MUC5B: variants seen among roughly 807,000 people sequenced by gnomAD.
The protein encoded by MUC5B is mucin-5B.
A neutral mutation model predicts 376.9 loss-of-function variants in MUC5B; 116 were observed. The observed-to-expected ratio is 0.31, with a 90% CI of 0.26 to 0.36. The LOEUF (loss-of-function observed/expected upper bound fraction) is 0.36, where lower values mean the gene tolerates loss of function less well. Ranked by LOEUF, MUC5B falls within the 10% of genes least tolerant of loss-of-function variation. The probability of loss-of-function intolerance (pLI) is 1.00; values close to 1 mark genes in which losing one functional copy is unlikely to be tolerated. For synonymous variants in MUC5B, 3,517 were observed against 3,390.9 expected, an observed-to-expected ratio of 1.04 and a Z score of -1.29; for missense variants, 7,165 against 7,769.9, an observed-to-expected ratio of 0.92 and a Z score of 2.93.
intron 44 of MUC5B, 137 bp downstream of exon 44, chr11:1,259,198 GT>G: frequency 5.9e-6 from 5 of 848,086 alleles, no homozygotes; most frequent in South Asian, 1.7e-5. Context: ...CCCCAGGTGA[GT>G]CCCTGAGGCA....
In MUC5B at chr11:1,223,669, G is replaced by C. The variant is rs1861810253; in HGVS notation, c.70+476G>C. Among the ~76,000 whole-genome samples, 3 of 152,216 alleles carry C rather than the reference G, an allele frequency of 2.0e-5. No homozygotes were observed. The South Asian group carries it at 6.2e-4, about 32-fold the overall frequency. On this transcript the variant is annotated intron_variant, in intron 1 of 48. Coordinates refer to ENST00000529681, the MANE Select transcript of MUC5B (RefSeq NM_002458.3). ...GGGCAGGTGAGGGTACCACCCTCAA[G>C]GGTTGCACAGCCAGCCGCAAGAGCC...
chr11:1,240,104 G>A lies in MUC5B; in HGVS notation c.3772+16G>A, dbSNP rs774044249. ...AGCCTTGAGGGTAAGGAAGGGCCGG[G>A]GGGTTAGTGGGCCGGTGAAGGCTGG... On this transcript the variant is annotated intron_variant, in intron 29 of 48. Transcript: ENST00000529681. The A allele has an allele frequency of 6.4e-7, 1 of 1,561,492 alleles. No homozygotes were observed.
Position 1,234,627 on chromosome 11 carries a change from C to T in MUC5B, c.2577C>T (p.His859=). ...CIAEEDCPCV[H]NEATYKPGET... ...CCGAGGAGGACTGCCCCTGTGTGCACAACGAGGCCACCTACAAGCCTGGAG... is the reference window on the plus strand; with the variant it reads ...CCGAGGAGGACTGCCCCTGTGTGCATAACGAGGCCACCTACAAGCCTGGAG... The change falls in exon 21 of 49, where the codon CAC becomes CAT. Residue 859 remains histidine (H), a synonymous_variant. Transcript: ENST00000529681. The surrounding 1 kb of genome is among the most constrained non-coding windows in gnomAD (Gnocchi z 6.3). 6.4e-7 allele frequency: 1 copy of T among 1,554,172 alleles called. No homozygotes were observed. Among genetic ancestry groups the T allele is most frequent in the Non-Finnish European group, 8.7e-7 (1 of 1,149,738 alleles).
At position 1,245,976 on chromosome 11, in the gene MUC5B, C is replaced by T. The variant is rs1272536912; in HGVS notation, c.9096C>T (p.Pro3032=). The stretch of plus-strand genomic sequence containing the variant: ...TGCTGACCAGCACGGCCACCACACC[C>T]ACAGCCACCAGTTCCAAAGCCACTT... ...PKVLTSTATT[P]TATSSKATSS... The change falls in exon 31 of 49, where the codon CCC becomes CCT. Residue 3032 remains proline, a synonymous_variant. Transcript: ENST00000529681. 8 of 1,612,970 alleles carry T rather than the reference C, an allele frequency of 5.0e-6. No individual in the cohort carries two copies. Among genetic ancestry groups the T allele is most frequent in the Non-Finnish European group, 6.8e-6 (8 of 1,179,730 alleles).
Position 1,250,845 on chromosome 11 carries a change from C to T in MUC5B, c.13965C>T (p.Thr4655=), listed in dbSNP as rs753826818. 4.3e-6 allele frequency: 7 copies of T among 1,610,024 alleles called. No individual in the cohort carries two copies. In the Admixed American group the frequency reaches 8.4e-5, roughly 19 times the overall value. ...TTHTARVLTT[T]TTTVATGSMA... ...ACACCGCCAGAGTGCTGACCACCAC[C>T]ACCACAACTGTGGCCACTGGTTCTA... The change falls in exon 31 of 49, where the codon ACC becomes ACT. Residue 4655 remains threonine (T), a synonymous_variant. Transcript: ENST00000529681.
chr11:1,260,160 C>G, intron 46 of MUC5B, 75 bp downstream of exon 46: 1 of 1,562,342 alleles, frequency 6.4e-7, no homozygotes, highest in Non-Finnish European at 8.7e-7. Flanking sequence ...CTGGGATGCC[C>G]TGCACAGCAG....
rs1315578246 is a variant in MUC5B, at chr11:1,226,336, G to T, written c.199+60G>T. 6.5e-6 allele frequency: 10 copies of T among 1,532,180 alleles called. No individual in the cohort carries two copies. In the South Asian group the frequency reaches 1.2e-4, roughly 18 times the overall value. 94.9% of individuals were successfully genotyped at this position (1,532,180 alleles called of 1,614,324 possible). A position where few individuals can be genotyped will look rare whatever the true frequency, so the allele number is the denominator to read the frequency against. Reference sequence around the variant, plus strand: ...GGTGTTTGCCAGTCCCAAAGGTGGGGGCCCAGATCTAGGGGTGCAGCTGCC... The same window carrying T: ...GGTGTTTGCCAGTCCCAAAGGTGGGTGCCCAGATCTAGGGGTGCAGCTGCC... On this transcript the variant is annotated intron_variant, in intron 3 of 48. Transcript: ENST00000529681.
intron 25 of MUC5B, among the ~76,000 whole-genome samples, chr11:1,237,753 C>T (rs556387370): frequency 6.6e-6 from 1 of 152,292 alleles, no homozygotes; most frequent in Admixed American, 6.5e-5. Context: ...CCTGTAATCC[C>T]AGCTACTCGG....
Position 1,232,169 on chromosome 11 carries a change from C to A in MUC5B, c.1843+9C>A. 6.3e-7 allele frequency: 1 copy of A among 1,583,114 alleles called. No homozygotes were observed. Among genetic ancestry groups the A allele is most frequent in the Non-Finnish European group, 8.6e-7 (1 of 1,163,064 alleles). ...CCTCAGTGTGGAGAATGGTACTCCT[C>A]GCCCCCACCCCCACAGTCACCCCAG... On this transcript the variant is annotated intron_variant, in intron 15 of 48. Coordinates refer to ENST00000529681, the MANE Select transcript of MUC5B (RefSeq NM_002458.3).
chr11:1,226,722 T>C lies in MUC5B; in HGVS notation c.307T>C (p.Phe103Leu). 6.2e-7 allele frequency: 1 copy of C among 1,612,810 alleles called. No homozygotes were observed. Among genetic ancestry groups the C allele is most frequent in the Non-Finnish European group, 8.5e-7 (1 of 1,179,824 alleles). ...FRFPGLCNYV[F>L]SEHCRAAYED... is the part of the protein sequence containing the mutation. Reference sequence around the variant, plus strand: ...CTTCCCTGGCCTTTGCAACTACGTGTTCTCTGAGCACTGCCGCGCCGCCTA... The same window carrying C: ...CTTCCCTGGCCTTTGCAACTACGTGCTCTCTGAGCACTGCCGCGCCGCCTA... Residue 103 changes from phenylalanine (F) to leucine (L), a missense_variant, in exon 4 of 49, where the codon TTC becomes CTC. By Grantham distance (22) the Phe-to-Leu change is conservative (BLOSUM62 0). Around this residue, in one of 31 missense-constraint regions of MUC5B, gnomAD observed 640 missense variants for 733.0 expected, o/e 0.87. Transcript: ENST00000529681.
chr11:1,239,630 G>A (rs1284304437), intron 27 of MUC5B, 64 bp downstream of exon 27: 6 of 1,518,352 alleles, frequency 4.0e-6, no homozygotes, highest in Middle Eastern at 1.8e-4. Context: ...ACGTGGGGGG[G>A]CGGGGATCCC....
rs1340568504 is a variant in MUC5B at position 1,232,170 on chromosome 11, G to A, written c.1843+10G>A. On this transcript the variant is annotated intron_variant, in intron 15 of 48. Coordinates refer to ENST00000529681, the MANE Select transcript of MUC5B (RefSeq NM_002458.3). ...CTCAGTGTGGAGAATGGTACTCCTC[G>A]CCCCCACCCCCACAGTCACCCCAGG... The A allele has an allele frequency of 1.5e-5, 24 of 1,582,808 alleles. No homozygotes were observed. The highest frequency in any genetic ancestry group is 1.1e-4 in the East Asian group (5 of 44,382).
Position 1,259,778 on chromosome 11 carries a change from C to A in MUC5B, c.16736C>A (p.Ala5579Asp), listed in dbSNP as rs773837420. ...CPQGFEYKRV[A>D]GQCCGECVQT... ...CAGGGCTTTGAGTACAAGAGAGTGG[C>A]CGGGCAGTGCTGTGGGGAGTGCGTC... The change falls in exon 45 of 49, where the codon GCC (alanine) becomes GAC (aspartate). Residue 5579 changes from alanine (A) to aspartate (D), a missense_variant. Physicochemically the swap from Ala to Asp is moderately radical, Grantham distance 126 (BLOSUM62 -2). Around this residue, in one of 31 missense-constraint regions of MUC5B, gnomAD observed 842 missense variants for 1,016.9 expected, o/e 0.83. Coordinates refer to ENST00000529681, the MANE Select transcript of MUC5B (RefSeq NM_002458.3). 1 of 1,612,286 alleles carries A rather than the reference C, an allele frequency of 6.2e-7. No individual in the cohort carries two copies. Among genetic ancestry groups the A allele is most frequent in the Non-Finnish European group, 8.5e-7 (1 of 1,179,686 alleles).
rs765941486 is a variant in MUC5B, at chr11:1,262,168, G to C, written c.*560G>C. 1.2e-5 allele frequency: 6 copies of C among 480,190 alleles called. No homozygotes were observed. The highest frequency in any genetic ancestry group is 9.2e-5 in the South Asian group (6 of 64,948). The allele number at this position is 480,190 out of a possible 1,614,324, so 29.7% of individuals were successfully genotyped here. On this transcript the variant is annotated 3_prime_UTR_variant, in exon 49 of 49. Coordinates refer to ENST00000529681, the MANE Select transcript of MUC5B (RefSeq NM_002458.3). ...GTTTTGCAAATAAACCCTGAGCATT[G>C]AGTACGTTTCCTGTCCTGACGTCTT...
At chr11:1,229,354 G>A (rs995714852) in intron 9 of MUC5B, 59 bp downstream of exon 9, 11 of 1,463,566 alleles carry the variant, frequency 7.5e-6, no homozygotes, top group African/African-American at 7.0e-5. Context: ...TCCCAACCCC[G>A]CCCCCAGCCT....
In MUC5B at chr11:1,243,385, C is replaced by T; in HGVS notation, c.6505C>T (p.Pro2169Ser). The T allele has an allele frequency of 6.5e-7, 1 of 1,536,428 alleles. No individual in the cohort carries two copies. The highest frequency in any genetic ancestry group is 8.8e-7 in the Non-Finnish European group (1 of 1,133,072). ...AGTGCTGACCACCACCGCCACCACA[C>T]CTGCAGCCACCAGCAACACAGTGAC... The part of the protein sequence containing the change: ...PPVLTTTATT[P>S]AATSNTVTPS... Residue 2169 changes from proline (P) to serine (S), a missense_variant, in exon 31 of 49, where the codon CCT (proline) becomes TCT (serine). Around this residue, in one of 31 missense-constraint regions of MUC5B, gnomAD observed 897 missense variants for 779.6 expected, o/e 1.15. Coordinates refer to ENST00000529681, the MANE Select transcript of MUC5B (RefSeq NM_002458.3).
Position 1,260,705 on chromosome 11 carries a change from G to A in MUC5B, c.17046G>A (p.Glu5682=). The change falls in exon 48 of 49, where the codon GAG becomes GAA. Residue 5682 remains glutamate, a synonymous_variant. Transcript: ENST00000529681. The stretch of plus-strand genomic sequence containing the variant: ...CCGAGGTCAACATCACCTTCTGCGA[G>A]GGCTCCTGCCCCGGAGCGTCCAAGT... ...CETEVNITFC[E]GSCPGASKYS... is the part of the protein sequence containing the mutation. 1 of 1,611,854 alleles carries A rather than the reference G, an allele frequency of 6.2e-7. No homozygotes were observed. The highest frequency in any genetic ancestry group is 8.5e-7 in the Non-Finnish European group (1 of 1,179,500).
rs747058585 is a variant in MUC5B at position 1,250,986 on chromosome 11, A to T, written c.14106A>T (p.Thr4702=). 6.2e-7 allele frequency: 1 copy of T among 1,610,710 alleles called. No homozygotes were observed. Among genetic ancestry groups the T allele is most frequent in the Non-Finnish European group, 8.5e-7 (1 of 1,178,266 alleles). ...CCAACCCCTCCTCAACTCCAGGGAC[A>T]ACACCCATCACCCCAGTGCTGACCA... ...STTNPSSTPG[T]TPITPVLTST... The change falls in exon 31 of 49, where the codon ACA becomes ACT. Residue 4702 remains threonine (T), a synonymous_variant. Coordinates refer to ENST00000529681, the MANE Select transcript of MUC5B (RefSeq NM_002458.3).
intron 1 of MUC5B, 29 bp downstream of exon 1, chr11:1,223,222 G>T: frequency 1.4e-6 from 1 of 708,512 alleles, no homozygotes. Context: ...GCCCCCTCTC[G>T]ATGCTGTCTT....
Sources: gnomAD v4.1 joint callset for allele counts (sites outside exome capture counted in the v4.1 genomes callset) on GRCh38, gnomAD v4.1.1 for gene constraint, gnomAD v4.1.1 regional missense constraint, Gnocchi (gnomAD v3.1) non-coding constraint, MANE v1.5 for transcripts, NCBI Gene and HGNC (gene_info 2026-07-23, HGNC 2026-07-21) for gene names.